PLXDC2: variants seen among roughly 807,000 people sequenced by gnomAD.
PLXDC2 encodes the protein plexin domain-containing protein 2.
Under a neutral mutation model 68.9 loss-of-function variants are expected in PLXDC2, and 40 were observed. That is an observed-to-expected ratio of 0.58 (90% CI 0.45 to 0.76). The LOEUF (loss-of-function observed/expected upper bound fraction) is 0.76. Among genes scored for constraint, PLXDC2 ranks in the 30% least tolerant of loss-of-function variants. The pLI is 0.00. For synonymous variants in PLXDC2, 243 were observed against 234.2 expected (o/e 1.04, Z -0.34); for missense variants, 644 against 661.9 (o/e 0.97, Z 0.30).
At chr10:19,933,946 C>T (rs2131391807) in intron 1 of PLXDC2, among the ~76,000 whole-genome samples, 1 of 152,118 alleles carries the variant, frequency 6.6e-6, no homozygotes, top group African/African-American at 2.4e-5. Flanking sequence ...AGGAAGATAT[C>T]AAATGAAATT....
intron 2 of PLXDC2, among the ~76,000 whole-genome samples, chr10:20,044,398 C>T (rs1835760514): frequency 6.6e-6 from 1 of 151,222 alleles, no homozygotes; most frequent in Non-Finnish European, 1.5e-5. Context: ...GCAAACTCCG[C>T]CTCCCAAGTT....
intron 4 of PLXDC2, among the ~76,000 whole-genome samples, chr10:20,139,206 T>A (rs1833969797): frequency 6.6e-6 from 1 of 152,230 alleles, no homozygotes. Flanking sequence ...AAGCTGTTGA[T>A]TACAACTGAT....
rs567749884 is a variant in PLXDC2, at chr10:19,823,506, A to G, written c.112+6315A>G. ...AGACCATCCTGGCCAACATGGTGAAACCCCGTCTTCCCTAAAAATAAAAAA... is the reference window on the plus strand; with the variant it reads ...AGACCATCCTGGCCAACATGGTGAAGCCCCGTCTTCCCTAAAAATAAAAAA... On this transcript the variant is annotated intron_variant, in intron 1 of 13. Coordinates refer to ENST00000377252, the MANE Select transcript of PLXDC2 (RefSeq NM_032812.9). Among the ~76,000 whole-genome samples the G allele has an allele frequency of 3.3e-5, 5 of 150,614 alleles. No individual in the cohort carries two copies. In the East Asian group the frequency reaches 9.9e-4, roughly 30 times the overall value.
Position 20,001,784 on chromosome 10 carries a change from A to G in PLXDC2, c.122A>G (p.Tyr41Cys). 1.9e-6 allele frequency: 3 copies of G among 1,613,952 alleles called. No homozygotes were observed. Among genetic ancestry groups the G allele is most frequent in the African/African-American group, 2.7e-5 (2 of 75,028 alleles). ...TTTCTTTTTCAAACAGATTGGCAGT[A>G]TGGAGTTACTCAGGCCTTCCCTCAC... ...KPGDQILDWQYGVTQAFPHTE... is the reference protein window; with the variant it reads ...KPGDQILDWQCGVTQAFPHTE... Residue 41 changes from tyrosine (Y) to cysteine (C), a missense_variant, in exon 2 of 14, where the codon TAT becomes TGT. Around this residue, in one of 3 missense-constraint regions of PLXDC2, gnomAD observed 201 missense variants for 166.9 expected, o/e 1.20. Transcript: ENST00000377252.
chr10:20,117,876 A>T (rs1237999358), intron 4 of PLXDC2, among the ~76,000 whole-genome samples: 1 of 152,206 alleles, frequency 6.6e-6, no homozygotes, highest in Non-Finnish European at 1.5e-5. Context: ...ATCTGGGTCA[A>T]CAAAATGAAA....
chr10:19,894,604 T>C (rs1838024049), intron 1 of PLXDC2, among the ~76,000 whole-genome samples: 1 of 152,198 alleles, frequency 6.6e-6, no homozygotes, highest in Admixed American at 6.5e-5. Context: ...GCATAAGTAT[T>C]TTTATTTTTA....
intron 3 of PLXDC2, among the ~76,000 whole-genome samples, chr10:20,056,486 C>G (rs1362649801): frequency 6.6e-6 from 1 of 152,198 alleles, no homozygotes; most frequent in Admixed American, 6.5e-5. Flanking sequence ...AGTTAACCAA[C>G]TCCTTTTACT....
At chr10:20,098,516 A>T (rs1200990090) in intron 4 of PLXDC2, among the ~76,000 whole-genome samples, 1 of 152,114 alleles carries the variant, frequency 6.6e-6, no homozygotes, top group Non-Finnish European at 1.5e-5. Context: ...CTTCAAAAAC[A>T]CATTTTCCCA....
chr10:20,090,360 G>T (rs1273369965), intron 4 of PLXDC2, among the ~76,000 whole-genome samples: 1 of 152,142 alleles, frequency 6.6e-6, no homozygotes, highest in Non-Finnish European at 1.5e-5. Context: ...GGTAATAGAG[G>T]ATTAGGAAGC....
At chr10:19,923,600 A>C (rs915924921) in intron 1 of PLXDC2, among the ~76,000 whole-genome samples, 13 of 152,362 alleles carry the variant, frequency 8.5e-5, no homozygotes, top group Admixed American at 2.6e-4. Context: ...AAAAAATTCA[A>C]GACAGTCAAT....
chr10:19,867,785 G>C (rs181887037), intron 1 of PLXDC2, among the ~76,000 whole-genome samples: 2 of 152,224 alleles, frequency 1.3e-5, no homozygotes, highest in East Asian at 3.9e-4. Flanking sequence ...TGCGAAGAAA[G>C]ATCTGGTGGA....
chr10:20,117,347 C>T (rs900537552), intron 4 of PLXDC2, among the ~76,000 whole-genome samples: 1 of 152,070 alleles, frequency 6.6e-6, no homozygotes, highest in Non-Finnish European at 1.5e-5. Flanking sequence ...CCTCTCAAAC[C>T]GACTTATAAC....
intron 5 of PLXDC2, among the ~76,000 whole-genome samples, chr10:20,145,853 A>G (rs916317340): frequency 1.9e-4 from 29 of 152,120 alleles, no homozygotes; most frequent in African/African-American, 6.8e-4. Context: ...GCACCTGGTC[A>G]ACAGTGTGGT....
At chr10:19,904,290 C>T (rs1402117794) in intron 1 of PLXDC2, among the ~76,000 whole-genome samples, 2 of 152,060 alleles carry the variant, frequency 1.3e-5, no homozygotes, top group Admixed American at 6.5e-5. Context: ...GCATTACGTC[C>T]CCCACTATTA....
intron 9 of PLXDC2, among the ~76,000 whole-genome samples, chr10:20,200,092 G>A (rs1421787047): frequency 6.6e-6 from 1 of 151,742 alleles, no homozygotes; most frequent in Non-Finnish European, 1.5e-5. Flanking sequence ...TAAAAGAAAA[G>A]GTTGGAAGAC....
chr10:19,955,163 C>A (rs78713488), intron 1 of PLXDC2, among the ~76,000 whole-genome samples: 1 of 142,766 alleles, frequency 7.0e-6, no homozygotes, highest in East Asian at 2.1e-4. Flanking sequence ...GTAGCTGGGA[C>A]TATCGGCATG....
intron 1 of PLXDC2, among the ~76,000 whole-genome samples, chr10:19,867,787 T>C (rs10827891): frequency 0.37 from 55,622 of 151,944 alleles, 10,533 homozygotes; most frequent in Middle Eastern, 0.55. Context: ...CGAAGAAAGA[T>C]CTGGTGGAGG....
intron 9 of PLXDC2, among the ~76,000 whole-genome samples, chr10:20,192,842 C>T (rs1834785372): frequency 6.6e-6 from 1 of 151,962 alleles, no homozygotes; most frequent in South Asian, 2.1e-4. Flanking sequence ...TAATAGGAGA[C>T]AAGTATACAA....
chr10:19,891,877 A>G (rs1000079956), intron 1 of PLXDC2, among the ~76,000 whole-genome samples: 4 of 152,308 alleles, frequency 2.6e-5, no homozygotes, highest in Non-Finnish European at 5.9e-5. Flanking sequence ...AAAAAATTGG[A>G]TTTTTGTTTT....
Sources: gnomAD v4.1 joint callset for allele counts (sites outside exome capture counted in the v4.1 genomes callset) on GRCh38, gnomAD v4.1.1 for gene constraint, gnomAD v4.1.1 regional missense constraint, MANE v1.5 for transcripts, NCBI Gene and HGNC (gene_info 2026-07-23, HGNC 2026-07-21) for gene names.